Variants in GPHN observed in about 807,000 individuals in gnomAD.
The protein encoded by GPHN is gephyrin.
A neutral mutation model predicts 95.5 loss-of-function variants in GPHN; 17 were observed. The ratio of observed to expected loss-of-function variants is 0.18; its 90% CI spans 0.12 to 0.27. The LOEUF is 0.27. Ranked by LOEUF, GPHN falls within the 10% of genes least tolerant of loss-of-function variation. GPHN has a pLI of 1.00. For missense variants in GPHN, 660 were observed against 978.1 expected (o/e 0.67, Z 4.34); for synonymous variants, 320 against 322.5 (o/e 0.99, Z 0.08).
chr14:66,796,440 C>T (rs2060159749), intron 3 of GPHN, among the ~76,000 whole-genome samples: 1 of 152,112 alleles, frequency 6.6e-6, no homozygotes, highest in East Asian at 1.9e-4. Context: ...AACTATTCTT[C>T]ATAGAGTTTG....
chr14:66,553,082 C>A (rs2059882482), intron 1 of GPHN, among the ~76,000 whole-genome samples: 1 of 151,764 alleles, frequency 6.6e-6, no homozygotes, highest in Non-Finnish European at 1.5e-5. Context: ...CCTCCGCCTC[C>A]CAGGTTCAAG....
At chr14:66,575,062 T>C (rs1414477870) in intron 1 of GPHN, among the ~76,000 whole-genome samples, 3 of 152,192 alleles carry the variant, frequency 2.0e-5, no homozygotes, top group Non-Finnish European at 4.4e-5. Context: ...TATCTATATA[T>C]ACATCCTATT....
At chr14:66,518,496 C>T (rs2058345038) in intron 1 of GPHN, among the ~76,000 whole-genome samples, 1 of 152,066 alleles carries the variant, frequency 6.6e-6, no homozygotes, top group African/African-American at 2.4e-5. Flanking sequence ...GGCACTTACC[C>T]AAAGAAAAGG....
the GPHN span, among the ~76,000 whole-genome samples, chr14:67,268,884 G>A: frequency 6.6e-6 from 1 of 152,150 alleles, no homozygotes; most frequent in Non-Finnish European, 1.5e-5. Context: ...AGATGGAGTT[G>A]TTCTGGTTCA....
chr14:67,649,172 C>T, the GPHN span: 1 of 152,144 alleles, frequency 6.6e-6, no homozygotes, highest in Non-Finnish European at 1.5e-5. Flanking sequence ...ACCTCTAGCA[C>T]TTATATATGG....
chr14:67,624,170 A>C, the GPHN span, among the ~76,000 whole-genome samples: 1 of 152,128 alleles, frequency 6.6e-6, no homozygotes, highest in South Asian at 2.1e-4. Context: ...AACCATGGTA[A>C]TTTGTGAATT....
chr14:67,347,506 T>TG, the GPHN span: 1 of 1,480,590 alleles, frequency 6.8e-7, no homozygotes, highest in Non-Finnish European at 9.2e-7. Flanking sequence ...TTCTCTCTTT[T>TG]TTTTTTTTTT....
At chr14:67,569,799 C>A in the GPHN span, 38 of 692,662 alleles carry the variant, frequency 5.5e-5, 1 homozygote, top group Non-Finnish European at 4.2e-5. Flanking sequence ...CCTGGCCCCC[C>A]TCTTGAGATC....
intron 2 of GPHN, among the ~76,000 whole-genome samples, chr14:66,701,172 A>T (rs1411988588): frequency 6.6e-6 from 1 of 152,234 alleles, no homozygotes; most frequent in Non-Finnish European, 1.5e-5. Flanking sequence ...GCATATTTAC[A>T]TATGCATGTA....
the GPHN span, among the ~76,000 whole-genome samples, chr14:67,262,561 G>A: frequency 1.3e-5 from 2 of 152,108 alleles, no homozygotes. Flanking sequence ...CCTTTATCCT[G>A]CCATGTGTAA....
At chr14:66,774,701 T>C (rs1871138759) in intron 2 of GPHN, among the ~76,000 whole-genome samples, 1 of 152,208 alleles carries the variant, frequency 6.6e-6, no homozygotes, top group Non-Finnish European at 1.5e-5. Flanking sequence ...AACTTTTATT[T>C]CTATCTGATT....
intron 14 of GPHN, among the ~76,000 whole-genome samples, chr14:67,111,221 A>G (rs1292147842): frequency 6.6e-6 from 1 of 152,206 alleles, no homozygotes; most frequent in African/African-American, 2.4e-5. Flanking sequence ...CCTGCTGTTA[A>G]AACTGCCTAA....
At chr14:66,964,913 T>TA (rs1208336414) in intron 8 of GPHN, among the ~76,000 whole-genome samples, 1 of 152,188 alleles carries the variant, frequency 6.6e-6, no homozygotes, top group Non-Finnish European at 1.5e-5. Flanking sequence ...TTAAATGGCA[T>TA]AGCAAGTATA....
intron 16 of GPHN, among the ~76,000 whole-genome samples, chr14:67,115,195 G>T (rs561297235): frequency 6.6e-6 from 1 of 151,918 alleles, no homozygotes; most frequent in Non-Finnish European, 1.5e-5. Context: ...TTGTTCAGCA[G>T]ATAATTGGGT....
At position 67,179,580 on chromosome 14, in the gene GPHN, A is replaced by G. The variant is rs1251246307; in HGVS notation, c.2082A>G (p.Leu694=). 6.4e-7 allele frequency: 1 copy of G among 1,570,502 alleles called. No individual in the cohort carries two copies. The highest frequency in any genetic ancestry group is 8.8e-7 in the Non-Finnish European group (1 of 1,140,320). Reference sequence around the variant, plus strand: ...TTCTTTTCTACTTTATTCTGTAGTTATCATGTGATGTAAAACTTGATCCTC... The same window carrying G: ...TTCTTTTCTACTTTATTCTGTAGTTGTCATGTGATGTAAAACTTGATCCTC... The part of the protein sequence containing the change: ...DPRPTIIKAR[L]SCDVKLDPRP... The change falls in exon 22 of 23, where the codon TTA becomes TTG. Residue 694 remains leucine (L), a splice_region_variant and synonymous_variant. Coordinates refer to ENST00000478722, the MANE Select transcript of GPHN (RefSeq NM_020806.5).
chr14:67,377,283 T>C, the GPHN span, among the ~76,000 whole-genome samples: 1 of 152,318 alleles, frequency 6.6e-6, no homozygotes, highest in East Asian at 1.9e-4. Context: ...TGTAGACTGC[T>C]GGGTGCTACT....
intron 7 of GPHN, 45 bp from the exon 8 acceptor site, chr14:66,924,149 G>C (rs116581680): frequency 2.2e-5 from 23 of 1,057,650 alleles, no homozygotes; most frequent in Non-Finnish European, 3.1e-5. Flanking sequence ...ATAGTTTCAT[G>C]TTTTCCTGTC....
chr14:67,592,497 C>A, the GPHN span: 1 of 596,880 alleles, frequency 1.7e-6, no homozygotes, highest in South Asian at 2.1e-5. Context: ...CAGAGAGGAA[C>A]TTCTCAAATA....
chr14:67,578,104 G>A, the GPHN span: 1 of 1,613,816 alleles, frequency 6.2e-7, no homozygotes, highest in Non-Finnish European at 8.5e-7. This position sits in a 1 kb window ranked among gnomAD's most constrained non-coding sequence, Gnocchi z 5.0. Flanking sequence ...CGCACTGCAG[G>A]TCTGCCTGGT....
Sources: gnomAD v4.1 joint callset for allele counts (sites outside exome capture counted in the v4.1 genomes callset) on GRCh38, gnomAD v4.1.1 for gene constraint, Gnocchi (gnomAD v3.1) non-coding constraint, MANE v1.5 for transcripts, NCBI Gene and HGNC (gene_info 2026-07-23, HGNC 2026-07-21) for gene names.